SYN3: variants seen among roughly 807,000 people sequenced by gnomAD.
SYN3 encodes synapsin-3.
Under a neutral mutation model 65.8 loss-of-function variants are expected in SYN3, and 35 were observed. The ratio of observed to expected loss-of-function variants is 0.53; its 90% confidence interval spans 0.41 to 0.70. SYN3 has a LOEUF of 0.70. Among genes scored for constraint, SYN3 ranks in the 30% least tolerant of loss-of-function variants. The pLI, the probability that SYN3 is intolerant of heterozygous loss-of-function variation, is 0.00. For missense variants in SYN3, 680 were observed against 749.0 expected, an observed-to-expected ratio of 0.91 and a Z score of 1.08; for synonymous variants, 270 against 292.9, an observed-to-expected ratio of 0.92 and a Z score of 0.80.
At chr22:32,986,263 G>A (rs1056415278) in intron 2 of SYN3, among the ~76,000 whole-genome samples, 1 of 152,166 alleles carries the variant, frequency 6.6e-6, no homozygotes, top group Non-Finnish European at 1.5e-5. Flanking sequence ...ACTGCGATGT[G>A]GGGGTGTGTA....
chr22:32,931,633 T>A, intron 3 of SYN3, 152 bp from the exon 4 acceptor site: 1 of 607,510 alleles, frequency 1.6e-6, no homozygotes, highest in Non-Finnish European at 2.9e-6. Context: ...TCTTTCTTTT[T>A]GAAAGATGAG....
chr22:32,537,420 A>C (rs2058183907), intron 9 of SYN3, among the ~76,000 whole-genome samples: 1 of 152,106 alleles, frequency 6.6e-6, no homozygotes, highest in Admixed American at 6.5e-5. Flanking sequence ...CGGCCTCCCA[A>C]AATGCTGGGA....
At chr22:32,572,197 G>C (rs1364343958) in intron 7 of SYN3, among the ~76,000 whole-genome samples, 1 of 106,708 alleles carries the variant, frequency 9.4e-6, no homozygotes, top group Admixed American at 1.0e-4. Context: ...GGGAGAGCTT[G>C]GCTTAAAGAG....
chr22:32,990,554 T>C (rs1601855563), intron 2 of SYN3, among the ~76,000 whole-genome samples: 1 of 152,160 alleles, frequency 6.6e-6, no homozygotes, highest in Non-Finnish European at 1.5e-5. Context: ...AGCACTGTGC[T>C]ACATAGGCCC....
chr22:32,534,340 G>C (rs1027005262), intron 9 of SYN3, among the ~76,000 whole-genome samples: 6 of 152,126 alleles, frequency 3.9e-5, no homozygotes, highest in Admixed American at 2.6e-4. Flanking sequence ...CTGCTCCAAG[G>C]GCTCCAGAAG....
At chr22:32,770,887 A>AACACATATGTG (rs1311408428) in intron 6 of SYN3, among the ~76,000 whole-genome samples, 2 of 151,998 alleles carry the variant, frequency 1.3e-5, no homozygotes, top group African/African-American at 4.8e-5. Context: ...GTGTTCAGTT[A>AACACATATGTG]TTATTATTAT....
chr22:32,640,593 G>A (rs370384930), intron 6 of SYN3, among the ~76,000 whole-genome samples: 1 of 152,160 alleles, frequency 6.6e-6, no homozygotes, highest in South Asian at 2.1e-4. Context: ...TTGGCCGGGT[G>A]CGGTGGCTCA....
intron 6 of SYN3, among the ~76,000 whole-genome samples, chr22:32,828,716 T>C (rs1239945419): frequency 6.6e-6 from 1 of 152,218 alleles, no homozygotes; most frequent in Non-Finnish European, 1.5e-5. Flanking sequence ...ACCTACCCAC[T>C]ATAGACTTCT....
chr22:32,938,574 A>G (rs1031027718), intron 3 of SYN3, among the ~76,000 whole-genome samples: 1 of 151,758 alleles, frequency 6.6e-6, no homozygotes, highest in Non-Finnish European at 1.5e-5. Flanking sequence ...GAAAAAGAAA[A>G]CCAACCAAAA....
chr22:32,958,553 AT>A (rs2051540542), intron 3 of SYN3, among the ~76,000 whole-genome samples: 1 of 152,204 alleles, frequency 6.6e-6, no homozygotes, highest in Admixed American at 6.5e-5. Context: ...TAATTATTAC[AT>A]ACTATATTTG....
chr22:32,546,939 C>T (rs62232691), intron 7 of SYN3, among the ~76,000 whole-genome samples: 2 of 59,080 alleles, frequency 3.4e-5, no homozygotes, highest in Non-Finnish European at 5.9e-5. Context: ...CTTTTCTCCC[C>T]TTTCCTCTAA....
At chr22:32,995,950 C>CT (rs1011061260) in intron 2 of SYN3, among the ~76,000 whole-genome samples, 7 of 151,442 alleles carry the variant, frequency 4.6e-5, no homozygotes, top group East Asian at 3.9e-4. Context: ...CGCATCCGGC[C>CT]TTTTTTTTTC....
chr22:32,869,067 C>T lies in SYN3; in HGVS notation c.520G>A (p.Gly174Arg). 1 of 1,614,106 alleles carries T rather than the reference C, an allele frequency of 6.2e-7. No individual in the cohort carries two copies. The highest frequency in any genetic ancestry group is 8.5e-7 in the Non-Finnish European group (1 of 1,179,958). Reference sequence around the variant, plus strand: ...ATGACCAGGCTGCGGTAGTCTTCCCCCAGGGCCATGCTGTAGGCATGCTGG... The same window carrying T: ...ATGACCAGGCTGCGGTAGTCTTCCCTCAGGGCCATGCTGTAGGCATGCTGG... Reference protein sequence around the residue: ...VRQHAYSMALGEDYRSLVIGL... With the variant: ...VRQHAYSMALREDYRSLVIGL... The change falls in exon 5 of 14, where the codon GGG (glycine) becomes AGG (arginine). Residue 174 changes from glycine to arginine, a missense_variant. Physicochemically the swap from Gly to Arg is moderately radical, Grantham distance 125. Transcript: ENST00000358763.
At chr22:32,985,509 C>A (rs993604680) in intron 2 of SYN3, among the ~76,000 whole-genome samples, 9 of 152,174 alleles carry the variant, frequency 5.9e-5, no homozygotes, top group Admixed American at 5.2e-4. Flanking sequence ...CTCATGCCAA[C>A]CCTGAGGGGT....
intron 1 of SYN3, chr22:33,015,341 G>T (rs5998693): frequency 0.18 from 113,677 of 644,014 alleles, 12,162 homozygotes; most frequent in African/African-American, 0.38. Flanking sequence ...AGAATCCAGA[G>T]AAGATCAAAG....
intron 4 of SYN3, among the ~76,000 whole-genome samples, chr22:32,895,746 C>T (rs1384757125): frequency 1.3e-5 from 2 of 152,052 alleles, no homozygotes; most frequent in East Asian, 1.9e-4. Context: ...TAAATGAAAC[C>T]GACAAACATT....
At chr22:32,786,024 A>G (rs539291256) in intron 6 of SYN3, among the ~76,000 whole-genome samples, 10 of 152,198 alleles carry the variant, frequency 6.6e-5, no homozygotes, top group African/African-American at 1.2e-4. Flanking sequence ...AGAAGAAAAA[A>G]AAAATACAGC....
rs549320347 is a variant in SYN3 at position 32,878,974 on chromosome 22, T to G, written c.462-9849A>C. On this transcript the variant is annotated intron_variant, in intron 4 of 13. Transcript: ENST00000358763. ...CTGGGTATTTATGTGAAATTCTCAA[T>G]TACTTAAATGTTGACAATGCACTTA... is the stretch of plus-strand genomic sequence containing the variant. Among the ~76,000 whole-genome samples, 6 of 152,264 alleles carry G rather than the reference T, an allele frequency of 3.9e-5. No homozygotes were observed. In the East Asian group the frequency reaches 1.2e-3, roughly 29 times the overall value.
At chr22:32,824,373 T>G (rs943723640) in intron 6 of SYN3, among the ~76,000 whole-genome samples, 3 of 151,294 alleles carry the variant, frequency 2.0e-5, no homozygotes, top group Non-Finnish European at 4.4e-5. Flanking sequence ...TTTTTTGTTG[T>G]CAAGTACCCT....
Sources: allele counts gnomAD v4.1 joint callset (sites outside exome capture counted in the v4.1 genomes callset), GRCh38; gene constraint gnomAD v4.1.1; transcripts MANE v1.5; gene names NCBI Gene and HGNC (gene_info 2026-07-23, HGNC 2026-07-21).